Variants in PANX2 observed in about 807,000 individuals in gnomAD.
The protein encoded by PANX2 is pannexin-2.
PANX2 carries 30 observed loss-of-function variants against 38.7 expected under a neutral mutation model. The ratio of observed to expected loss-of-function variants is 0.78; its 90% confidence interval spans 0.58 to 1.05. The LOEUF (loss-of-function observed/expected upper bound fraction) is 1.05. Among genes scored for constraint, PANX2 ranks in the 50% least tolerant of loss-of-function variants. The pLI is 0.00. For synonymous variants in PANX2, 539 were observed against 472.1 expected (o/e 1.14, Z -1.84); for missense variants, 880 against 979.3 (o/e 0.90, Z 1.35).
Position 50,178,211 on chromosome 22 carries a change from C to A in PANX2, c.1499C>A (p.Ala500Asp), listed in dbSNP as rs755238378. Reference protein sequence around the residue: ...DPGPGPAPAPAPPPAPDKKHA... With the variant: ...DPGPGPAPAPDPPPAPDKKHA... ...GGCCCCGGCCCCGCCCCTGCCCCCG[C>A]CCCGCCGCCCGCCCCTGACAAGAAG... Residue 500 changes from alanine (A) to aspartate (D), a missense_variant, in exon 2 of 3, where the codon GCC becomes GAC. Around this residue, in one of 4 missense-constraint regions of PANX2, gnomAD observed 445 missense variants for 404.3 expected, o/e 1.10. Coordinates refer to ENST00000395842, the MANE Select transcript of PANX2 (RefSeq NM_052839.4). The A allele has an allele frequency of 4.5e-5, 66 of 1,464,378 alleles. No individual in the cohort carries two copies. In the South Asian group the frequency reaches 9.0e-4, roughly 20 times the overall value. The allele number at this position is 1,464,378 out of a possible 1,614,324, so 90.7% of individuals were successfully genotyped here. A position where few individuals can be genotyped will look rare whatever the true frequency, so the allele number is the denominator to read the frequency against.
chr22:50,173,110 A>C (rs1295258885), intron 1 of PANX2, among the ~76,000 whole-genome samples: 222 of 147,758 alleles, frequency 1.5e-3, no homozygotes, highest in African/African-American at 4.4e-3. Flanking sequence ...GTTGGCCAGG[A>C]TGGTCTCGAT....
At chr22:50,175,426 C>T (rs1476276288) in intron 1 of PANX2, 2 of 1,295,536 alleles carry the variant, frequency 1.5e-6, no homozygotes, top group East Asian at 1.1e-4. Context: ...CTGTTCTCTT[C>T]CCCAGGGTGG....
chr22:50,170,924 T>TG lies in PANX2; in HGVS notation c.196dup (p.Val66GlyfsTer55). On this transcript the variant is annotated frameshift_variant, in exon 1 of 3. Transcript: ENST00000395842. LOFTEE classifies it high-confidence loss of function. Reference sequence around the variant, plus strand: ...GGCACCGTGCTGGTGCCCATCCTGCTGGTCACCCTGGTCTTCACCAAGAAC... The same window carrying TG: ...GGCACCGTGCTGGTGCCCATCCTGCTGGGTCACCCTGGTCTTCACCAAGAAC... 6.6e-7 allele frequency: 1 copy of TG among 1,524,588 alleles called. No individual in the cohort carries two copies. Among genetic ancestry groups the TG allele is most frequent in the Non-Finnish European group, 8.8e-7 (1 of 1,135,886 alleles). 94.4% of individuals were successfully genotyped at this position (1,524,588 alleles called of 1,614,324 possible).
chr22:50,178,504 A>T, intron 2 of PANX2, 102 bp downstream of exon 2: 4 of 714,242 alleles, frequency 5.6e-6, no homozygotes, highest in Non-Finnish European at 8.4e-6. Context: ...TAGGGAAGGG[A>T]GGGGGCCTGG....
At chr22:50,176,106 G>C (rs2063659864) in intron 1 of PANX2, among the ~76,000 whole-genome samples, 2 of 152,340 alleles carry the variant, frequency 1.3e-5, no homozygotes, top group African/African-American at 4.8e-5. Flanking sequence ...CCCAGGCTCT[G>C]AGCCTTCCTG....
intron 1 of PANX2, among the ~76,000 whole-genome samples, chr22:50,176,038 C>G (rs1446336552): frequency 6.6e-6 from 1 of 152,188 alleles, no homozygotes; most frequent in Non-Finnish European, 1.5e-5. Flanking sequence ...GTGTGGGCCT[C>G]CGCGCCTGTG....
intron 1 of PANX2, among the ~76,000 whole-genome samples, chr22:50,173,123 C>T (rs1005536819): frequency 1.3e-5 from 2 of 152,046 alleles, no homozygotes; most frequent in East Asian, 1.9e-4. Flanking sequence ...GTCTCGATCT[C>T]CTGACCTCGT....
intron 1 of PANX2, 27 bp downstream of exon 1, chr22:50,170,983 C>A: frequency 2.9e-6 from 4 of 1,360,420 alleles, no homozygotes; most frequent in Non-Finnish European, 3.0e-6. Flanking sequence ...GGGCGCGGGG[C>A]GCGGGCAGAG....
intron 1 of PANX2, among the ~76,000 whole-genome samples, chr22:50,174,479 C>T (rs111985293): frequency 8.4e-4 from 128 of 152,328 alleles, no homozygotes; most frequent in African/African-American, 2.8e-3. Flanking sequence ...CCCCTGGCTG[C>T]CAACTCTGAT....
At chr22:50,178,827 G>C in intron 2 of PANX2, 107 bp from the exon 3 acceptor site, 1 of 949,022 alleles carries the variant, frequency 1.1e-6, no homozygotes, top group Non-Finnish European at 1.5e-6. Context: ...TCTCCAGGGC[G>C]CTTCAGAGCC....
rs74515099 is a variant in PANX2, at chr22:50,179,572, G to A, written c.*295G>A. ...CTCCTGCATCAGGTGCCCAGCCGTG[G>A]GTGGGGGCCCTGAGGTGAAGAGTTT... On this transcript the variant is annotated 3_prime_UTR_variant, in exon 3 of 3. Coordinates refer to ENST00000395842, the MANE Select transcript of PANX2 (RefSeq NM_052839.4). 2,286 of 455,816 alleles carry A rather than the reference G, an allele frequency of 5.0e-3. 50 individuals carry two copies. Among genetic ancestry groups the A allele is most frequent in the African/African-American group, 0.042 (2,062 of 48,876 alleles). The allele number at this position is 455,816 out of a possible 1,614,324, so 28.2% of individuals were successfully genotyped here. A position where few individuals can be genotyped will look rare whatever the true frequency, so the allele number is the denominator to read the frequency against.
At chr22:50,173,461 C>T (rs1042859352) in intron 1 of PANX2, among the ~76,000 whole-genome samples, 14 of 152,282 alleles carry the variant, frequency 9.2e-5, no homozygotes, top group East Asian at 1.9e-4. Context: ...CCTGATGCCG[C>T]AGGGCAGGGT....
At position 50,178,309 on chromosome 22, in the gene PANX2, C is replaced by T. The variant is rs760989726; in HGVS notation, c.1597C>T (p.Pro533Ser). Residue 533 changes from proline to serine, a missense_variant, in exon 2 of 3, where the codon CCC becomes TCC. Pro to Ser is a moderately conservative substitution (Grantham distance 74, BLOSUM62 -1). Transcript: ENST00000395842. ...GTKKAKAEAV[P>S]AALPASRSQE... ...CAAGAAGGCCAAGGCCGAGGCGGTG[C>T]CCGCCGCCCTGCCCGCCTCCCGGAG... is the stretch of plus-strand genomic sequence containing the variant. 3.3e-6 allele frequency: 5 copies of T among 1,515,250 alleles called. No homozygotes were observed. Among genetic ancestry groups the T allele is most frequent in the East Asian group, 2.6e-5 (1 of 38,382 alleles). The allele number at this position is 1,515,250 out of a possible 1,614,324, so 93.9% of individuals were successfully genotyped here.
Position 50,179,640 on chromosome 22 carries a change from ACAGCCCAACTCCCC to A in PANX2, c.*371_*384del. 4.4e-6 allele frequency: 1 copy of A among 226,782 alleles called. No individual in the cohort carries two copies. Among genetic ancestry groups the A allele is most frequent in the Non-Finnish European group, 8.8e-6 (1 of 113,036 alleles). The allele number at this position is 226,782 out of a possible 1,614,324, so 14.0% of individuals were successfully genotyped here. A position where few individuals can be genotyped will look rare whatever the true frequency, so the allele number is the denominator to read the frequency against. ...CGTCCTGGCCCCGGGCTGTGGCGAG[ACAGCCCAACTCCCC>A]CAGCCCAGCTCCCCCAGCCCAGAGC... On this transcript the variant is annotated 3_prime_UTR_variant, in exon 3 of 3. Coordinates refer to ENST00000395842, the MANE Select transcript of PANX2 (RefSeq NM_052839.4).
rs765127349 is a variant in PANX2, at chr22:50,177,646, C to G, written c.934C>G (p.Leu312Val). Residue 312 changes from leucine (L) to valine (V), a missense_variant, in exon 2 of 3, where the codon CTC becomes GTC. Leu to Val is a conservative substitution (Grantham distance 32). Transcript: ENST00000395842. ...CATCATCCTCGTCAACCTCATCCAC[C>G]TCTTCATCTTCCGCAAGAGCAACTT... is the stretch of plus-strand genomic sequence containing the variant. The part of the protein sequence containing the change: ...NLIILVNLIH[L>V]FIFRKSNFIF... 1 of 1,612,712 alleles carries G rather than the reference C, an allele frequency of 6.2e-7. No homozygotes were observed. The highest frequency in any genetic ancestry group is 1.3e-5 in the African/African-American group (1 of 74,948).
intron 2 of PANX2, 31 bp downstream of exon 2, chr22:50,178,433 G>A (rs1425323955): frequency 3.0e-6 from 4 of 1,352,096 alleles, no homozygotes; most frequent in East Asian, 5.8e-5. Flanking sequence ...AGGGGACGGG[G>A]GACTGGGGGT....
Position 50,177,342 on chromosome 22 carries a change from C to G in PANX2, c.630C>G (p.Phe210Leu). 1.2e-6 allele frequency: 2 copies of G among 1,610,032 alleles called. No homozygotes were observed. The highest frequency in any genetic ancestry group is 2.2e-5 in the East Asian group (1 of 44,828). The stretch of plus-strand genomic sequence containing the variant: ...AGAAGAGCCCGGAGCAGAACCTGTT[C>G]GAGAAGTACCTGGAGCGCCGCGGCC... ...EKEKSPEQNLFEKYLERRGRS... is the reference protein window; with the variant it reads ...EKEKSPEQNLLEKYLERRGRS... The change falls in exon 2 of 3, where the codon TTC becomes TTG. Residue 210 changes from phenylalanine (F) to leucine (L), a missense_variant. By Grantham distance (22) the Phe-to-Leu change is conservative. Coordinates refer to ENST00000395842, the MANE Select transcript of PANX2 (RefSeq NM_052839.4).
rs2063684088 is a variant in PANX2 at position 50,179,174 on chromosome 22, T to A, written c.1931T>A (p.Leu644Gln). 1 of 1,612,468 alleles carries A rather than the reference T, an allele frequency of 6.2e-7. No homozygotes were observed. Among genetic ancestry groups the A allele is most frequent in the Non-Finnish European group, 8.5e-7 (1 of 1,179,882 alleles). Residue 644 changes from leucine (L) to glutamine (Q), a missense_variant, in exon 3 of 3, where the codon CTG becomes CAG. Coordinates refer to ENST00000395842, the MANE Select transcript of PANX2 (RefSeq NM_052839.4). ...GAGGAGGAGGACGGGGGCCCCCGCC[T>A]GCCGCAGGACGTGGGGGACCTCATC... The part of the protein sequence containing the change: ...AREEEDGGPR[L>Q]PQDVGDLIAI...
Position 50,177,128 on chromosome 22 carries a change from C to T in PANX2, c.416C>T (p.Ala139Val). 6.2e-7 allele frequency: 1 copy of T among 1,608,410 alleles called. No individual in the cohort carries two copies. The highest frequency in any genetic ancestry group is 8.5e-7 in the Non-Finnish European group (1 of 1,177,756). ...LAFAAIMYVP[A>V]LGWEFLASTR... ...TTCGCCGCCATCATGTACGTGCCCG[C>T]GCTGGGCTGGGAGTTCCTGGCCTCC... Residue 139 changes from alanine to valine, a missense_variant, in exon 2 of 3, where the codon GCG (alanine) becomes GTG (valine). By Grantham distance (64) the Ala-to-Val change is moderately conservative. Transcript: ENST00000395842.
Sources: gnomAD v4.1 joint callset for allele counts (sites outside exome capture counted in the v4.1 genomes callset) on GRCh38, gnomAD v4.1.1 for gene constraint, gnomAD v4.1.1 regional missense constraint, MANE v1.5 for transcripts, NCBI Gene and HGNC (gene_info 2026-07-23, HGNC 2026-07-21) for gene names.